The following MAPRE1 variants were observed in gnomAD, a reference collection of about 807,000 sequenced individuals.
MAPRE1 encodes the protein microtubule-associated protein RP/EB family member 1.
A neutral mutation model predicts 32.1 loss-of-function variants in MAPRE1; 5 were observed. The ratio of observed to expected loss-of-function variants is 0.16; its 90% CI spans 0.08 to 0.33. The LOEUF (loss-of-function observed/expected upper bound fraction) is 0.33. Among genes scored for constraint, MAPRE1 ranks in the 10% least tolerant of loss-of-function variants. The pLI, the probability that MAPRE1 is intolerant of heterozygous loss-of-function variation, is 1.00. For synonymous variants in MAPRE1, 122 were observed against 118.9 expected (o/e 1.03, Z -0.17); for missense variants, 209 against 327.2 (o/e 0.64, Z 2.79).
intron 1 of MAPRE1, among the ~76,000 whole-genome samples, chr20:32,824,875 G>A (rs1379129149): frequency 6.6e-6 from 1 of 151,820 alleles, no homozygotes; most frequent in Non-Finnish European, 1.5e-5. Flanking sequence ...CATCGGGCCA[G>A]GCGTGGTGGC....
intron 1 of MAPRE1, 28 bp from the exon 2 acceptor site, chr20:32,825,897 G>GC: frequency 1.3e-6 from 2 of 1,560,630 alleles, no homozygotes; most frequent in Non-Finnish European, 1.8e-6. Context: ...TGTAACACAG[G>GC]CCCTTCTCTT....
intron 1 of MAPRE1, 68 bp from the exon 2 acceptor site, chr20:32,825,857 G>A: frequency 7.2e-7 from 1 of 1,387,758 alleles, no homozygotes; most frequent in Non-Finnish European, 9.8e-7. Context: ...TGACTCTCTA[G>A]GAAACACTTG....
intron 5 of MAPRE1, among the ~76,000 whole-genome samples, chr20:32,842,949 G>T (rs1171734539): frequency 1.3e-5 from 2 of 152,136 alleles, no homozygotes; most frequent in Non-Finnish European, 2.9e-5. Context: ...AGGGATTGTG[G>T]TCTTGAAGAG....
At chr20:32,832,354 T>A (rs962990374) in intron 2 of MAPRE1, among the ~76,000 whole-genome samples, 1 of 150,626 alleles carries the variant, frequency 6.6e-6, no homozygotes, top group Non-Finnish European at 1.5e-5. Context: ...AGAGAAATAA[T>A]CTTCCTGGAA....
intron 1 of MAPRE1, among the ~76,000 whole-genome samples, chr20:32,823,260 A>C (rs1164428106): frequency 6.6e-6 from 1 of 152,204 alleles, no homozygotes; most frequent in Non-Finnish European, 1.5e-5. Context: ...AGCTTAGTGC[A>C]GGAGACTGAT....
At chr20:32,826,136 C>A in intron 2 of MAPRE1, 88 bp downstream of exon 2, 1 of 1,313,228 alleles carries the variant, frequency 7.6e-7, no homozygotes, top group Non-Finnish European at 1.0e-6. Context: ...CAAAGCCACA[C>A]ACAGAGGTTC....
chr20:32,832,580 T>C (rs771457340), intron 2 of MAPRE1, among the ~76,000 whole-genome samples: 43 of 151,462 alleles, frequency 2.8e-4, no homozygotes, highest in African/African-American at 8.3e-4. Context: ...TGATCCTCCT[T>C]CTTCAGCCTC....
In MAPRE1 at chr20:32,839,838, AGCTGAGTTGATGCAGCAGGTGG is replaced by A; in HGVS notation, c.582_597+6del. ...GTGTGGGCAACGGAGACGACGAGGCAGCTGAGTTGATGCAGCAGGTGGGCACCCCTGTGTTTAGCACGTGAGT... is the reference window on the plus strand; with the variant it reads ...GTGTGGGCAACGGAGACGACGAGGCAGCACCCCTGTGTTTAGCACGTGAGT... On this transcript the variant is annotated splice_donor_variant and splice_donor_region_variant and coding_sequence_variant and intron_variant, in exon 5 of 7. Transcript: ENST00000375571. LOFTEE classifies it high-confidence loss of function. 1 of 1,614,176 alleles carries A rather than the reference AGCTGAGTTGATGCAGCAGGTGG, an allele frequency of 6.2e-7. No homozygotes were observed. The highest frequency in any genetic ancestry group is 8.5e-7 in the Non-Finnish European group (1 of 1,180,014).
At chr20:32,848,597 G>GT in intron 6 of MAPRE1, 75 bp from the exon 7 acceptor site, 1 of 1,135,422 alleles carries the variant, frequency 8.8e-7, no homozygotes, top group Non-Finnish European at 1.3e-6. Context: ...TTAAGAGGCT[G>GT]TAAGTATGAG....
At chr20:32,820,252 T>G (rs1268679004) in intron 1 of MAPRE1, among the ~76,000 whole-genome samples, 19 of 143,714 alleles carry the variant, frequency 1.3e-4, no homozygotes, top group African/African-American at 1.9e-4. Flanking sequence ...GGGCCGGAAG[T>G]GGGCTGCTGC....
intron 2 of MAPRE1, among the ~76,000 whole-genome samples, chr20:32,831,384 G>C (rs766387994): frequency 2.6e-5 from 4 of 151,620 alleles, no homozygotes; most frequent in Non-Finnish European, 4.4e-5. Flanking sequence ...TTAGAAATAG[G>C]GAAATAAATA....
At chr20:32,841,659 T>A (rs958662409) in intron 5 of MAPRE1, among the ~76,000 whole-genome samples, 6 of 134,656 alleles carry the variant, frequency 4.5e-5, no homozygotes, top group African/African-American at 1.7e-4. Context: ...ATGTTCCCCT[T>A]CCTGTGTCCA....
Position 32,848,767 on chromosome 20 carries a change from C to G in MAPRE1, c.*39C>G, listed in dbSNP as rs755261592. ...CAGAGCAACATCGGAATTCTTCACT[C>G]CAAATCATGTGCTTAACTGTAAAAT... On this transcript the variant is annotated 3_prime_UTR_variant, in exon 7 of 7. Transcript: ENST00000375571. 1.3e-6 allele frequency: 2 copies of G among 1,555,678 alleles called. No homozygotes were observed. The highest frequency in any genetic ancestry group is 2.3e-5 in the South Asian group (2 of 88,106).
chr20:32,848,155 G>A (rs1012731110), intron 6 of MAPRE1, among the ~76,000 whole-genome samples: 1 of 151,574 alleles, frequency 6.6e-6, no homozygotes, highest in Admixed American at 6.6e-5. Context: ...AAGCAGTCCT[G>A]CCTCGACCCC....
At chr20:32,837,789 AAAG>A (rs1433888401) in intron 4 of MAPRE1, among the ~76,000 whole-genome samples, 4 of 152,236 alleles carry the variant, frequency 2.6e-5, no homozygotes, top group African/African-American at 7.2e-5. Context: ...ATCACTCTGA[AAAG>A]AAACCCTGTG....
At chr20:32,829,975 C>G (rs906445523) in intron 2 of MAPRE1, among the ~76,000 whole-genome samples, 1 of 151,774 alleles carries the variant, frequency 6.6e-6, no homozygotes, top group African/African-American at 2.4e-5. Flanking sequence ...TTTTTTTTGT[C>G]AGAAAGGGAG....
At chr20:32,828,582 T>C (rs1982933749) in intron 2 of MAPRE1, among the ~76,000 whole-genome samples, 2 of 152,218 alleles carry the variant, frequency 1.3e-5, no homozygotes, top group African/African-American at 4.8e-5. Context: ...ATCTGTGAAC[T>C]GGGGCAGCGA....
intron 1 of MAPRE1, among the ~76,000 whole-genome samples, chr20:32,820,497 T>C (rs563622216): frequency 2.0e-5 from 3 of 152,230 alleles, no homozygotes; most frequent in African/African-American, 7.2e-5. Context: ...CTTTAACCGC[T>C]GTGGATCTCA....
At chr20:32,820,867 G>A (rs1489824873) in intron 1 of MAPRE1, among the ~76,000 whole-genome samples, 1 of 152,172 alleles carries the variant, frequency 6.6e-6, no homozygotes, top group Admixed American at 6.5e-5. Flanking sequence ...GCTAGGCCGG[G>A]CATCCGCTTC....
Sources: gnomAD v4.1 joint callset for allele counts (sites outside exome capture counted in the v4.1 genomes callset) on GRCh38, gnomAD v4.1.1 for gene constraint, MANE v1.5 for transcripts, NCBI Gene and HGNC (gene_info 2026-07-23, HGNC 2026-07-21) for gene names.